CLEC9A: variants seen among roughly 807,000 people sequenced by gnomAD.
CLEC9A encodes the protein C-type lectin domain family 9 member A.
CLEC9A carries 24 observed loss-of-function variants against 30.0 expected under a neutral mutation model. That is an observed-to-expected ratio of 0.80 (90% CI 0.58 to 1.13). The LOEUF is 1.13. CLEC9A is among the 50% of genes most tolerant of loss of function. The pLI is 0.00. For synonymous variants in CLEC9A, 111 were observed against 96.8 expected (o/e 1.15, Z -0.86); for missense variants, 251 against 280.9 (o/e 0.89, Z 0.76).
rs144524255 is a variant in CLEC9A, at chr12:10,041,561, G to A, written c.-222G>A. ...ACACAACTTGACATGGAAAGAGAGT[G>A]AGCAGTACTGCACTGACATGAAGGC... is the stretch of plus-strand genomic sequence containing the variant. On this transcript the variant is annotated 5_prime_UTR_variant, in exon 2 of 9. It removes the in-frame stop codon of an upstream open reading frame in the 5' UTR. Transcript: ENST00000355819. The A allele has an allele frequency of 2.7e-5, 14 of 510,770 alleles. No individual in the cohort carries two copies. The highest frequency in any genetic ancestry group is 2.4e-4 in the African/African-American group (12 of 50,884). 31.6% of individuals were successfully genotyped at this position (510,770 alleles called of 1,614,324 possible).
chr12:10,043,194 G>T, intron 2 of CLEC9A: 1 of 404,754 alleles, frequency 2.5e-6, no homozygotes, highest in Non-Finnish European at 4.9e-6. Context: ...TGACCATTGT[G>T]TTTATTTATG....
chr12:10,042,647 G>T (rs1865807572), intron 2 of CLEC9A, among the ~76,000 whole-genome samples: 1 of 152,178 alleles, frequency 6.6e-6, no homozygotes. Flanking sequence ...ATACTATACA[G>T]TATAGTAGGT....
intron 2 of CLEC9A, among the ~76,000 whole-genome samples, chr12:10,044,126 A>G (rs149522142): frequency 1.7e-4 from 26 of 152,312 alleles, no homozygotes; most frequent in Admixed American, 4.6e-4. Flanking sequence ...GGGGTTCACA[A>G]GATAATTCCA....
chr12:10,058,809 T>G (rs1865967635), intron 5 of CLEC9A, among the ~76,000 whole-genome samples: 1 of 152,214 alleles, frequency 6.6e-6, no homozygotes, highest in African/African-American at 2.4e-5. Context: ...CCTCCCAAAG[T>G]GCTGGGAGTA....
intron 7 of CLEC9A, among the ~76,000 whole-genome samples, chr12:10,063,441 T>C (rs1348909359): frequency 6.6e-6 from 1 of 152,238 alleles, no homozygotes; most frequent in Non-Finnish European, 1.5e-5. Context: ...TTGTTCTATG[T>C]CCTTGGTTAA....
intron 1 of CLEC9A, among the ~76,000 whole-genome samples, chr12:10,036,732 A>G (rs1038930202): frequency 7.2e-5 from 11 of 152,220 alleles, no homozygotes; most frequent in Non-Finnish European, 1.3e-4. Context: ...AATAGAGTCT[A>G]TGAAAGACAT....
At chr12:10,041,974 A>G (rs1353381078) in intron 2 of CLEC9A, among the ~76,000 whole-genome samples, 3 of 152,216 alleles carry the variant, frequency 2.0e-5, no homozygotes, top group Non-Finnish European at 2.9e-5. Context: ...AGACTCATAC[A>G]GGAGATATCC....
chr12:10,065,743 A>G lies in CLEC9A; in HGVS notation c.*111A>G. On this transcript the variant is annotated 3_prime_UTR_variant, in exon 9 of 9. Coordinates refer to ENST00000355819, the MANE Select transcript of CLEC9A (RefSeq NM_207345.4). The stretch of plus-strand genomic sequence containing the variant: ...AGAACAGTAAACCAAAATGTGGGCC[A>G]TGAAATTAGCAACCTGGGACTCAAT... The G allele has an allele frequency of 2.5e-6, 3 of 1,185,688 alleles. No individual in the cohort carries two copies. Among genetic ancestry groups the G allele is most frequent in the East Asian group, 2.4e-5 (1 of 41,384 alleles). 73.4% of individuals were successfully genotyped at this position (1,185,688 alleles called of 1,614,324 possible).
intron 3 of CLEC9A, 166 bp from the exon 4 acceptor site, chr12:10,052,464 T>C: frequency 1.6e-6 from 2 of 1,224,302 alleles, no homozygotes; most frequent in Non-Finnish European, 2.1e-6. Flanking sequence ...TTCAGTTCTC[T>C]CTCATTTCCT....
intron 1 of CLEC9A, among the ~76,000 whole-genome samples, chr12:10,041,133 C>G (rs1252000965): frequency 6.6e-6 from 1 of 152,098 alleles, no homozygotes; most frequent in Non-Finnish European, 1.5e-5. Flanking sequence ...GTAATCCCAG[C>G]TACTCGGGAG....
chr12:10,062,995 G>C (rs988674529), intron 6 of CLEC9A, 60 bp from the exon 7 acceptor site: 4 of 1,440,826 alleles, frequency 2.8e-6, no homozygotes, highest in Middle Eastern at 1.9e-4. Context: ...GCTTTTTGGA[G>C]GGATATATGT....
chr12:10,043,565 G>C (rs1321899471), intron 2 of CLEC9A, among the ~76,000 whole-genome samples: 3 of 150,860 alleles, frequency 2.0e-5, no homozygotes, highest in Non-Finnish European at 4.4e-5. Context: ...TTTTATACCT[G>C]ATATTATTCC....
chr12:10,046,581 G>A (rs1488731485), intron 2 of CLEC9A, among the ~76,000 whole-genome samples: 2 of 152,134 alleles, frequency 1.3e-5, no homozygotes, highest in South Asian at 2.1e-4. Flanking sequence ...GAAAGGCACC[G>A]TTTCACAGGA....
At chr12:10,034,472 T>C (rs369435745) in intron 1 of CLEC9A, among the ~76,000 whole-genome samples, 1 of 152,232 alleles carries the variant, frequency 6.6e-6, no homozygotes, top group Non-Finnish European at 1.5e-5. Context: ...TGTAAAATTA[T>C]GTTGATCTTT....
intron 5 of CLEC9A, among the ~76,000 whole-genome samples, chr12:10,058,018 A>G (rs1865958556): frequency 6.6e-6 from 1 of 151,966 alleles, no homozygotes; most frequent in South Asian, 2.1e-4. Context: ...CCAGGTAATT[A>G]TATTGTTTTG....
chr12:10,039,312 G>C (rs559107207), intron 1 of CLEC9A, among the ~76,000 whole-genome samples: 1 of 152,284 alleles, frequency 6.6e-6, no homozygotes, highest in East Asian at 1.9e-4. Context: ...GTCACTATTT[G>C]TCTGTTTGTC....
chr12:10,060,084 T>A (rs1052118024), intron 5 of CLEC9A, among the ~76,000 whole-genome samples: 2 of 152,238 alleles, frequency 1.3e-5, no homozygotes, highest in Non-Finnish European at 2.9e-5. Context: ...AGAAAGCGGA[T>A]CACTCACTCA....
chr12:10,061,873 G>T (rs1279122549), intron 6 of CLEC9A, among the ~76,000 whole-genome samples: 1 of 152,200 alleles, frequency 6.6e-6, no homozygotes, highest in Admixed American at 6.5e-5. Flanking sequence ...CATAATGCTT[G>T]TACATATAGT....
chr12:10,041,403 T>C (rs975593799), intron 1 of CLEC9A, 63 bp from the exon 2 acceptor site: 1 of 308,934 alleles, frequency 3.2e-6, no homozygotes, highest in South Asian at 3.5e-5. Flanking sequence ...ATACATGGAA[T>C]GTAGGGAAAA....
Sources: gnomAD v4.1 joint callset for allele counts (sites outside exome capture counted in the v4.1 genomes callset) on GRCh38, gnomAD v4.1.1 for gene constraint, MANE v1.5 for transcripts, NCBI Gene and HGNC (gene_info 2026-07-23, HGNC 2026-07-21) for gene names.